CAP2: variants seen among roughly 807,000 people sequenced by gnomAD.
CAP2 encodes adenylyl cyclase-associated protein 2.
A neutral mutation model predicts 57.7 loss-of-function variants in CAP2; 24 were observed. That is an observed-to-expected ratio of 0.42 (90% CI 0.30 to 0.58). The LOEUF (loss-of-function observed/expected upper bound fraction) is 0.58, where lower values mean the gene tolerates loss of function less well. Ranked by LOEUF, CAP2 falls within the 20% of genes least tolerant of loss-of-function variation. CAP2 has a pLI of 0.22. For missense variants in CAP2, 501 were observed against 590.3 expected (o/e 0.85, Z 1.57); for synonymous variants, 194 against 207.2 (o/e 0.94, Z 0.55).
chr6:17,536,677 T>G (rs1251383040), intron 7 of CAP2, among the ~76,000 whole-genome samples: 1 of 152,150 alleles, frequency 6.6e-6, no homozygotes, highest in East Asian at 1.9e-4. Context: ...ATTTTAAGAT[T>G]TAGAAGCCAG....
chr6:17,415,667 C>A (rs530609115), intron 1 of CAP2, among the ~76,000 whole-genome samples: 4 of 152,174 alleles, frequency 2.6e-5, no homozygotes, highest in African/African-American at 9.7e-5. Context: ...CCAACCTCAG[C>A]CCCTGAAAAG....
chr6:17,446,889 C>G lies in CAP2; in HGVS notation c.223-16107C>G, dbSNP rs548104070. 7.2e-5 allele frequency among the ~76,000 whole-genome samples: 11 copies of G among 152,358 alleles called. No homozygotes were observed. The South Asian group carries it at 2.3e-3, about 32-fold the overall frequency. On this transcript the variant is annotated intron_variant, in intron 3 of 12. Transcript: ENST00000229922. ...GCACCCTAGTGGTCAGGGGTCCCAG[C>G]TGCCTGGGAATCCACGGGGAATGAG...
intron 3 of CAP2, among the ~76,000 whole-genome samples, chr6:17,457,886 A>G (rs542222106): frequency 9.2e-5 from 14 of 152,234 alleles, no homozygotes; most frequent in African/African-American, 1.9e-4. Flanking sequence ...CTGAGCTACA[A>G]TTTTAACTGC....
chr6:17,453,820 G>C (rs1237894280), intron 3 of CAP2, among the ~76,000 whole-genome samples: 1 of 151,722 alleles, frequency 6.6e-6, no homozygotes, highest in African/African-American at 2.4e-5. Flanking sequence ...TCCAGGTCTT[G>C]ATTGCTTTTT....
At chr6:17,518,935 G>A (rs1762329609) in intron 7 of CAP2, among the ~76,000 whole-genome samples, 1 of 152,152 alleles carries the variant, frequency 6.6e-6, no homozygotes, top group African/African-American at 2.4e-5. Context: ...ACCACATCCA[G>A]CCCAGAGGTT....
rs556481171 is a variant in CAP2 at position 17,439,881 on chromosome 6, A to G, written c.222+13191A>G. 1.6e-4 allele frequency among the ~76,000 whole-genome samples: 24 copies of G among 151,570 alleles called. 1 individual carries two copies. Among genetic ancestry groups the G allele is most frequent in the African/African-American group, 5.6e-4 (23 of 40,940 alleles). The stretch of plus-strand genomic sequence containing the variant: ...CCTGCTGTGCACCCCACTTCCTAAC[A>G]GGCCATGGACCAGTACCAGTCTGTG... On this transcript the variant is annotated intron_variant, in intron 3 of 12. Coordinates refer to ENST00000229922, the MANE Select transcript of CAP2 (RefSeq NM_006366.3).
In CAP2 at chr6:17,451,748, G is replaced by T. The variant is rs1038123146; in HGVS notation, c.223-11248G>T. Among the ~76,000 whole-genome samples the T allele has an allele frequency of 7.9e-5, 12 of 152,254 alleles. No homozygotes were observed. The South Asian group carries it at 1.0e-3, about 13-fold the overall frequency. On this transcript the variant is annotated intron_variant, in intron 3 of 12. Transcript: ENST00000229922. ...TGCTCTCAAACTCCTGACCGCAGGT[G>T]ATCCACCAGCCTCAGCATCCCTAAG...
chr6:17,439,255 G>GTT (rs36031913), intron 3 of CAP2, among the ~76,000 whole-genome samples: 1,466 of 146,518 alleles, frequency 0.01, 61 homozygotes, highest in African/African-American at 0.033. Flanking sequence ...GGATCCAACT[G>GTT]TTTTTTTTTT....
chr6:17,543,283 T>TA (rs1178580162), intron 11 of CAP2, 140 bp downstream of exon 11: 1 of 704,668 alleles, frequency 1.4e-6, no homozygotes, highest in Admixed American at 2.4e-5. Flanking sequence ...AACCACACTG[T>TA]AAGCTGCGGC....
chr6:17,468,793 G>A (rs2113605740), intron 4 of CAP2, among the ~76,000 whole-genome samples: 1 of 152,300 alleles, frequency 6.6e-6, no homozygotes. Context: ...CAGCAGGTGA[G>A]CATAGAGGAA....
chr6:17,473,013 T>C (rs1761059598), intron 4 of CAP2, among the ~76,000 whole-genome samples: 1 of 151,724 alleles, frequency 6.6e-6, no homozygotes, highest in Non-Finnish European at 1.5e-5. Context: ...GATCCTGTCC[T>C]GTTGGAACAT....
At chr6:17,536,266 T>C in intron 7 of CAP2, 1 of 456,708 alleles carries the variant, frequency 2.2e-6, no homozygotes, top group Admixed American at 2.3e-5. Context: ...CAAAGATAAG[T>C]GACTTTGCAA....
At chr6:17,516,512 A>G (rs1324952666) in intron 7 of CAP2, among the ~76,000 whole-genome samples, 2 of 152,216 alleles carry the variant, frequency 1.3e-5, no homozygotes, top group African/African-American at 2.4e-5. Flanking sequence ...GGTACAGTGT[A>G]TACTGCTCAG....
intron 11 of CAP2, among the ~76,000 whole-genome samples, chr6:17,547,819 C>T (rs575599481): frequency 2.5e-3 from 345 of 135,576 alleles, no homozygotes; most frequent in Middle Eastern, 9.3e-3. Context: ...TCAGCCTGGG[C>T]AACAGAGTGA....
chr6:17,395,851 T>C (rs576888411), intron 1 of CAP2, among the ~76,000 whole-genome samples: 6 of 152,290 alleles, frequency 3.9e-5, no homozygotes, highest in South Asian at 2.1e-4. Flanking sequence ...AAGAACTAGA[T>C]AGTTGTGAAA....
At chr6:17,507,043 T>C (rs1358438113) in intron 4 of CAP2, 126 bp from the exon 5 acceptor site, 3 of 860,110 alleles carry the variant, frequency 3.5e-6, no homozygotes, top group East Asian at 2.4e-5. Flanking sequence ...AAGATGATTA[T>C]ATGTTTCTTT....
At chr6:17,517,107 A>ATGGC (rs1762288845) in intron 7 of CAP2, among the ~76,000 whole-genome samples, 1 of 152,212 alleles carries the variant, frequency 6.6e-6, no homozygotes, top group African/African-American at 2.4e-5. Flanking sequence ...TTGTACAGCC[A>ATGGC]TGTATCATAA....
rs550107825 is a variant in CAP2, at chr6:17,413,395, C to T, written c.-1-8160C>T. 2.6e-5 allele frequency among the ~76,000 whole-genome samples: 4 copies of T among 152,256 alleles called. No individual in the cohort carries two copies. The East Asian group carries it at 7.7e-4, about 29-fold the overall frequency. ...TCTATAGGAGAGTAAGCAAAAGATA[C>T]GAAGGCGGGCACCTTGGCAACGTGA... On this transcript the variant is annotated intron_variant, in intron 1 of 12. Coordinates refer to ENST00000229922, the MANE Select transcript of CAP2 (RefSeq NM_006366.3).
intron 1 of CAP2, among the ~76,000 whole-genome samples, chr6:17,404,713 G>A: frequency 6.7e-6 from 1 of 150,274 alleles, no homozygotes; most frequent in Non-Finnish European, 1.5e-5. Context: ...GGAGGTTGCA[G>A]TGAGCCAAGA....
Sources: gnomAD v4.1 joint callset for allele counts (sites outside exome capture counted in the v4.1 genomes callset) on GRCh38, gnomAD v4.1.1 for gene constraint, MANE v1.5 for transcripts, NCBI Gene and HGNC (gene_info 2026-07-23, HGNC 2026-07-21) for gene names.